Variants in RIPOR3 observed in about 807,000 individuals in gnomAD.
RIPOR3 encodes RIPOR family member 3, also known as family with sequence similarity 65 member C.
Under a neutral mutation model 114.3 loss-of-function variants are expected in RIPOR3, and 95 were observed. The observed-to-expected ratio is 0.83, with a 90% CI of 0.70 to 0.99. RIPOR3 has a LOEUF of 0.99. Ranked by LOEUF, RIPOR3 falls within the 50% of genes least tolerant of loss-of-function variation. RIPOR3 has a pLI of 0.00. For missense variants in RIPOR3, 1,252 were observed against 1,266.9 expected (o/e 0.99, Z 0.18); for synonymous variants, 575 against 543.8 (o/e 1.06, Z -0.80).
At position 50,616,052 on chromosome 20, in the gene RIPOR3, G is replaced by C; in HGVS notation, c.298C>G (p.Leu100Val). Reference sequence around the variant, plus strand: ...TTGTGGCGTCCAGACAGGTGGTCCAGCTCAGCCTGCTGCACACACAGATAC... The same window carrying C: ...TTGTGGCGTCCAGACAGGTGGTCCACCTCAGCCTGCTGCACACACAGATAC... The part of the protein sequence containing the change: ...KEYLCVQQAE[L>V]DHLSGRHKDT... The change falls in exon 4 of 22, where the codon CTG becomes GTG. Residue 100 changes from leucine (L) to valine (V), a missense_variant. By Grantham distance (32) the Leu-to-Val change is conservative. Coordinates refer to ENST00000327979, the MANE Select transcript of RIPOR3 (RefSeq NM_001290268.2). The C allele has an allele frequency of 6.2e-7, 1 of 1,611,966 alleles. No individual in the cohort carries two copies. The highest frequency in any genetic ancestry group is 8.5e-7 in the Non-Finnish European group (1 of 1,179,190).
chr20:50,633,801 A>AG (rs1431910545), intron 1 of RIPOR3, among the ~76,000 whole-genome samples: 1 of 152,156 alleles, frequency 6.6e-6, no homozygotes, highest in Non-Finnish European at 1.5e-5. Flanking sequence ...ACGACGAAGG[A>AG]GGGAAACTAA....
intron 1 of RIPOR3, among the ~76,000 whole-genome samples, chr20:50,642,661 C>T (rs2085248072): frequency 6.6e-6 from 1 of 151,554 alleles, no homozygotes; most frequent in South Asian, 2.1e-4. Context: ...AATTTGTCCC[C>T]TCCTTCCTGC....
intron 13 of RIPOR3, among the ~76,000 whole-genome samples, chr20:50,600,894 A>T (rs537589550): frequency 6.6e-6 from 1 of 152,372 alleles, no homozygotes; most frequent in Non-Finnish European, 1.5e-5. Context: ...ATGGATGTAA[A>T]ATGAGAAATT....
At chr20:50,610,761 G>A (rs978147780) in intron 6 of RIPOR3, 92 bp downstream of exon 6, 191 of 1,563,814 alleles carry the variant, frequency 1.2e-4, no homozygotes, top group Non-Finnish European at 1.4e-4. Context: ...TCCCTGTTTC[G>A]AGGGCACCTC....
chr20:50,608,472 G>T lies in RIPOR3; in HGVS notation c.873C>A (p.Asp291Glu). ...TGACCTGCGGCCGCGTCGTGAAGAA[G>T]TCGGCGATGTCACACGTCACTGCAC... ...AVGAVTCDIADFFTTRPQVIV... is the reference protein window; with the variant it reads ...AVGAVTCDIAEFFTTRPQVIV... Residue 291 changes from aspartate (D) to glutamate (E), a missense_variant, in exon 11 of 22, where the codon GAC (aspartate) becomes GAA (glutamate). Coordinates refer to ENST00000327979, the MANE Select transcript of RIPOR3 (RefSeq NM_001290268.2). 1 of 1,613,958 alleles carries T rather than the reference G, an allele frequency of 6.2e-7. No individual in the cohort carries two copies. The highest frequency in any genetic ancestry group is 8.5e-7 in the Non-Finnish European group (1 of 1,179,928).
chr20:50,657,282 T>G (rs530299384), intron 1 of RIPOR3, among the ~76,000 whole-genome samples: 1 of 152,302 alleles, frequency 6.6e-6, no homozygotes, highest in Admixed American at 6.5e-5. Context: ...ATCCTAGCAC[T>G]TTAGGAGACC....
chr20:50,595,210 C>A, intron 16 of RIPOR3, 159 bp downstream of exon 16: 1 of 929,020 alleles, frequency 1.1e-6, no homozygotes, highest in African/African-American at 1.6e-5. Context: ...CTTACCTCCC[C>A]ACAAAGAGTG....
intron 1 of RIPOR3, among the ~76,000 whole-genome samples, chr20:50,666,198 T>TTTTC (rs1482382772): frequency 3.1e-5 from 3 of 96,720 alleles, no homozygotes; most frequent in Admixed American, 1.1e-4. Context: ...TTTTCTTTTC[T>TTTTC]TTTCTTTTCT....
At chr20:50,600,663 G>A (rs1017370107) in intron 13 of RIPOR3, among the ~76,000 whole-genome samples, 2 of 152,114 alleles carry the variant, frequency 1.3e-5, no homozygotes, top group Non-Finnish European at 2.9e-5. Context: ...AGGAGGCTGA[G>A]GGGGGAGGAT....
intron 4 of RIPOR3, 59 bp from the exon 5 acceptor site, chr20:50,611,263 G>T: frequency 1.9e-6 from 3 of 1,610,366 alleles, no homozygotes; most frequent in Admixed American, 3.3e-5. Context: ...TTCCTCCAAG[G>T]CCTATGAGGC....
intron 1 of RIPOR3, among the ~76,000 whole-genome samples, chr20:50,678,313 C>G (rs1042878369): frequency 6.6e-6 from 1 of 152,156 alleles, no homozygotes; most frequent in Non-Finnish European, 1.5e-5. Context: ...TTGGCCCAAC[C>G]CTCTGAAACT....
At position 50,630,864 on chromosome 20, in the gene RIPOR3, G is replaced by T. The variant is rs1600633379; in HGVS notation, c.4-8C>A. 2 of 1,579,330 alleles carry T rather than the reference G, an allele frequency of 1.3e-6. No individual in the cohort carries two copies. Among genetic ancestry groups the T allele is most frequent in the Non-Finnish European group, 8.6e-7 (1 of 1,161,494 alleles). On this transcript the variant is annotated splice_region_variant and splice_polypyrimidine_tract_variant and intron_variant, in intron 1 of 21. Coordinates refer to ENST00000327979, the MANE Select transcript of RIPOR3 (RefSeq NM_001290268.2). ...CACCGACATGGTGGTCACCTGCAAG[G>T]AGAGGACAGGAGAGTCAGCCTGGCA...
chr20:50,661,639 C>A lies in RIPOR3; in HGVS notation c.3+29487G>T, dbSNP rs143973694. 3.0e-3 allele frequency among the ~76,000 whole-genome samples: 460 copies of A among 152,258 alleles called. 5 individuals are homozygous for A. Among genetic ancestry groups the A allele is most frequent in the African/African-American group, 0.01 (423 of 41,554 alleles). On this transcript the variant is annotated intron_variant, in intron 1 of 21. Coordinates refer to ENST00000327979, the MANE Select transcript of RIPOR3 (RefSeq NM_001290268.2). Reference sequence around the variant, plus strand: ...AGGCTTAGCTGCAGGAACACGCTGTCCCCACGACAACCCCTTCTCAGCCTC... The same window carrying A: ...AGGCTTAGCTGCAGGAACACGCTGTACCCACGACAACCCCTTCTCAGCCTC...
chr20:50,587,319 C>T lies in RIPOR3; in HGVS notation c.2766G>A (p.Arg922=). ...ETTLSFGEKG[R]LAFEKMDKLC... is the part of the protein sequence containing the mutation. ...GCTTGTCCATCTTCTCAAAAGCTAA[C>T]CGTCCTTTTTCACCTGAAATAGCAA... Residue 922 remains arginine, a synonymous_variant, in exon 22 of 22, where the codon CGG becomes CGA. Transcript: ENST00000327979. The T allele has an allele frequency of 6.2e-7, 1 of 1,614,072 alleles. No individual in the cohort carries two copies. Among genetic ancestry groups the T allele is most frequent in the Non-Finnish European group, 8.5e-7 (1 of 1,180,014 alleles).
Position 50,604,747 on chromosome 20 carries a change from C to G in RIPOR3, c.984G>C (p.Val328=). 1.9e-6 allele frequency: 3 copies of G among 1,608,494 alleles called. No homozygotes were observed. Among genetic ancestry groups the G allele is most frequent in the Non-Finnish European group, 2.5e-6 (3 of 1,178,016 alleles). Residue 328 remains valine, a synonymous_variant, in exon 12 of 22, where the codon GTG becomes GTC. Coordinates refer to ENST00000327979, the MANE Select transcript of RIPOR3 (RefSeq NM_001290268.2). The part of the protein sequence containing the change: ...WNPFDTESFL[V]SPSPTGKFSM... ...AAAACTTGCCCGTGGGGCTGGGTGA[C>G]ACCAGGAAGCTCTCAGTATCAAACG...
In RIPOR3 at chr20:50,602,568, G is replaced by T. The variant is rs576403433; in HGVS notation, c.1163C>A (p.Ser388Tyr). The T allele has an allele frequency of 6.5e-6, 10 of 1,536,232 alleles. No homozygotes were observed. The African/African-American group carries it at 1.4e-4, about 21-fold the overall frequency. Residue 388 changes from serine to tyrosine, a missense_variant, in exon 13 of 22, where the codon TCT becomes TAT. Physicochemically the swap from Ser to Tyr is moderately radical, Grantham distance 144. Transcript: ENST00000327979. This position sits in a 1 kb window ranked among gnomAD's most constrained non-coding sequence, Gnocchi z 4.3. The part of the protein sequence containing the change: ...PRATSILSYL[S>Y]DSDLRGPSLR... ...GCTGGGACCCCGGAGGTCGCTGTCAGACAGGTAGCTGAGGATGGAGGTGGC... is the reference window on the plus strand; with the variant it reads ...GCTGGGACCCCGGAGGTCGCTGTCATACAGGTAGCTGAGGATGGAGGTGGC...
At chr20:50,650,391 C>T (rs2085557378) in intron 1 of RIPOR3, among the ~76,000 whole-genome samples, 1 of 152,150 alleles carries the variant, frequency 6.6e-6, no homozygotes, top group Admixed American at 6.5e-5. Context: ...CAACCTCCAC[C>T]TCCCGGGCTC....
Position 50,593,072 on chromosome 20 carries a change from A to G in RIPOR3, c.2337T>C (p.Ser779=). 1.9e-6 allele frequency: 3 copies of G among 1,614,158 alleles called. No individual in the cohort carries two copies. Among genetic ancestry groups the G allele is most frequent in the Non-Finnish European group, 2.5e-6 (3 of 1,180,048 alleles). ...FHSYLQRQSV[S]DLEKHFTQLT... is the part of the protein sequence containing the mutation. ...GCTGGGTGAAGTGCTTCTCCAGGTC[A>G]GAGACGCTCTGCCTCTGCAGGTAGC... Residue 779 remains serine, a synonymous_variant, in exon 18 of 22, where the codon TCT becomes TCC. Transcript: ENST00000327979.
At chr20:50,672,943 G>T (rs958832140) in intron 1 of RIPOR3, among the ~76,000 whole-genome samples, 1 of 152,236 alleles carries the variant, frequency 6.6e-6, no homozygotes, top group East Asian at 1.9e-4. Context: ...CACCTGTAGC[G>T]CATGGAGATT....
Sources: gnomAD v4.1 joint callset for allele counts (sites outside exome capture counted in the v4.1 genomes callset) on GRCh38, gnomAD v4.1.1 for gene constraint, Gnocchi (gnomAD v3.1) non-coding constraint, MANE v1.5 for transcripts, NCBI Gene and HGNC (gene_info 2026-07-23, HGNC 2026-07-21) for gene names.